Variants in ADA2 observed in about 807,000 individuals in gnomAD.
ADA2 encodes the protein adenosine deaminase 2.
Under a neutral mutation model 44.2 loss-of-function variants are expected in ADA2, and 29 were observed. The observed-to-expected ratio is 0.66, with a 90% CI of 0.49 to 0.89. The LOEUF is 0.89. Among genes scored for constraint, ADA2 ranks in the 40% least tolerant of loss-of-function variants. The pLI is 0.00. For synonymous variants in ADA2, 215 were observed against 234.9 expected, an observed-to-expected ratio of 0.92 and a Z score of 0.77; for missense variants, 637 against 644.8, an observed-to-expected ratio of 0.99 and a Z score of 0.13.
chr22:17,199,618 C>G, intron 4 of ADA2: 1 of 1,614,092 alleles, frequency 6.2e-7, no homozygotes, highest in Non-Finnish European at 8.5e-7. Flanking sequence ...CAGATGCTCT[C>G]TGGGATCGCC....
chr22:17,202,048 T>C lies in ADA2; in HGVS notation c.753+1515A>G, dbSNP rs912088163. On this transcript the variant is annotated intron_variant, in intron 4 of 9. Coordinates refer to ENST00000399837, the MANE Select transcript of ADA2 (RefSeq NM_001282225.2). ...GAGCAATGGCGGTATCTCTGCTCACTGCAAGCTCCTCCCCCTGGGTTCAAG... is the reference window on the plus strand; with the variant it reads ...GAGCAATGGCGGTATCTCTGCTCACCGCAAGCTCCTCCCCCTGGGTTCAAG... Among the ~76,000 whole-genome samples, 12 of 143,096 alleles carry C rather than the reference T, an allele frequency of 8.4e-5. No individual in the cohort carries two copies. The Admixed American group carries it at 8.9e-4, about 11-fold the overall frequency. The allele number at this position is 143,096 out of a possible 152,430, so 93.9% of individuals were successfully genotyped here.
intron 1 of ADA2, chr22:17,213,809 G>A (rs551063987): frequency 1.4e-4 from 34 of 250,974 alleles, no homozygotes; most frequent in African/African-American, 1.9e-4. Flanking sequence ...AGGCTGAGGC[G>A]GGTGGATCAC....
At position 17,201,966 on chromosome 22, in the gene ADA2, T is replaced by C. The variant is rs1330342638; in HGVS notation, c.753+1597A>G. 5.4e-5 allele frequency among the ~76,000 whole-genome samples: 7 copies of C among 129,204 alleles called. No individual in the cohort carries two copies. In the East Asian group the frequency reaches 1.3e-3, roughly 24 times the overall value. The allele number at this position is 129,204 out of a possible 152,430, so 84.8% of individuals were successfully genotyped here. On this transcript the variant is annotated intron_variant, in intron 4 of 9. Coordinates refer to ENST00000399837, the MANE Select transcript of ADA2 (RefSeq NM_001282225.2). ...TAAAATCAAATTTTTTTTTCTTTTTTCTTTTTTTTTTTTTTTTTTTTTTGA... is the reference window on the plus strand; with the variant it reads ...TAAAATCAAATTTTTTTTTCTTTTTCCTTTTTTTTTTTTTTTTTTTTTTGA...
At chr22:17,199,435 T>TCCTCTTCCCCTCCCTCCCCTCCTCTAA in intron 4 of ADA2, 9 of 994,806 alleles carry the variant, frequency 9.0e-6, no homozygotes, top group Non-Finnish European at 1.4e-5. Flanking sequence ...CCCTCCTCTA[T>TCCTCTTCCCCTCCCTCCCCTCCTCTAA]CCTCTTCCCC....
At chr22:17,208,851 C>CGG (rs2123713945) in intron 2 of ADA2, among the ~76,000 whole-genome samples, 1 of 144,706 alleles carries the variant, frequency 6.9e-6, no homozygotes, top group Admixed American at 7.2e-5. Flanking sequence ...TTTTGGGGAA[C>CGG]AGGGTCTTGC....
chr22:17,202,136 T>A (rs78939706), intron 4 of ADA2, among the ~76,000 whole-genome samples: 1 of 133,354 alleles, frequency 7.5e-6, no homozygotes, highest in African/African-American at 2.6e-5. Context: ...TGCCAGCTAA[T>A]TTTTTTTTTT....
intron 7 of ADA2, among the ~76,000 whole-genome samples, chr22:17,183,837 T>C (rs541912527): frequency 1.3e-5 from 2 of 152,160 alleles, no homozygotes; most frequent in African/African-American, 4.8e-5. Context: ...TATAACTACC[T>C]GTATGTGCTC....
chr22:17,199,446 T>TCCCTCC, intron 4 of ADA2: 14 of 917,582 alleles, frequency 1.5e-5, no homozygotes, highest in Non-Finnish European at 1.9e-5. Flanking sequence ...CCTCTTCCCC[T>TCCCTCC]CCACCCACGA....
chr22:17,212,504 C>T (rs1482606538), intron 1 of ADA2, among the ~76,000 whole-genome samples: 2 of 151,640 alleles, frequency 1.3e-5, no homozygotes, highest in African/African-American at 4.8e-5. Flanking sequence ...GAACTCCTGA[C>T]CTCAGGTGAT....
At chr22:17,182,829 T>C in intron 7 of ADA2, 68 bp from the exon 8 acceptor site, 1 of 1,562,036 alleles carries the variant, frequency 6.4e-7, no homozygotes, top group Non-Finnish European at 8.8e-7. Context: ...GATGGATGGG[T>C]CTGACCCACC....
At chr22:17,221,690 T>A (rs2079621), upstream of ADA2, 1 of 151,986 alleles carries the variant, frequency 6.6e-6, no homozygotes, top group Non-Finnish European at 1.5e-5. Context: ...ACTCAGATCT[T>A]GAGGTGGAAG....
chr22:17,190,395 C>T (rs2062100523), intron 5 of ADA2, among the ~76,000 whole-genome samples: 1 of 152,190 alleles, frequency 6.6e-6, no homozygotes, highest in East Asian at 1.9e-4. Context: ...GACATGGATG[C>T]AGCTCAGGGG....
intron 6 of ADA2, chr22:17,189,675 C>T: frequency 2.4e-6 from 1 of 414,486 alleles, no homozygotes; most frequent in South Asian, 2.5e-5. Context: ...GAATGCCATC[C>T]TTATTCTGGA....
chr22:17,181,319 A>G lies in ADA2; in HGVS notation c.*164T>C, dbSNP rs2061965582. The G allele has an allele frequency of 1.9e-5, 12 of 647,448 alleles. 1 individual carries two copies. The South Asian group carries it at 2.1e-4, about 11-fold the overall frequency. The allele number at this position is 647,448 out of a possible 1,614,324, so 40.1% of individuals were successfully genotyped here. ...AATGTCACTGTGGCTGAGAGAGAAT[A>G]TTTCCAGAGGATGAATTTGCTCAGC... On this transcript the variant is annotated 3_prime_UTR_variant, in exon 10 of 10. Transcript: ENST00000399837.
In ADA2 at chr22:17,191,748, T is replaced by C. The variant is rs2062117693; in HGVS notation, c.816A>G (p.Val272=). The C allele has an allele frequency of 5.0e-6, 8 of 1,613,684 alleles. No individual in the cohort carries two copies. Among genetic ancestry groups the C allele is most frequent in the Non-Finnish European group, 5.9e-6 (7 of 1,179,594 alleles). Reference sequence around the variant, plus strand: ...GGTGAGTTTCCACAAACTTCTGAGCTACTTCCTGGTAAGTCTTCACTGACC... The same window carrying C: ...GGTGAGTTTCCACAAACTTCTGAGCCACTTCCTGGTAAGTCTTCACTGACC... ...EEWSVKTYQE[V]AQKFVETHPE... The change falls in exon 5 of 10, where the codon GTA becomes GTG. Residue 272 remains valine (V), a synonymous_variant. Coordinates refer to ENST00000399837, the MANE Select transcript of ADA2 (RefSeq NM_001282225.2).
rs1338256680 is a variant in ADA2 at position 17,207,126 on chromosome 22, T to A, written c.487A>T (p.Ile163Phe). 3 of 1,614,208 alleles carry A rather than the reference T, an allele frequency of 1.9e-6. No homozygotes were observed. Among genetic ancestry groups the A allele is most frequent in the Admixed American group, 3.3e-5 (2 of 60,016 alleles). Residue 163 changes from isoleucine (I) to phenylalanine (F), a missense_variant, in exon 3 of 10, where the codon ATT becomes TTT. Transcript: ENST00000399837. ...CGCTTCCGATAATCCTCCAGCAGAA[T>A]CCACTTGGAACATTTTTCTGATGGA... is the stretch of plus-strand genomic sequence containing the variant. ...PRPSEKCSKW[I>F]LLEDYRKRVQ...
In ADA2 at chr22:17,179,846, T is replaced by C. The variant is rs1280725824; in HGVS notation, c.*1637A>G. 2 of 151,718 alleles carry C rather than the reference T, an allele frequency of 1.3e-5. No individual in the cohort carries two copies. The highest frequency in any genetic ancestry group is 2.0e-4 in the East Asian group (1 of 5,072). The allele number at this position is 151,718 out of a possible 1,614,324, so 9.4% of individuals were successfully genotyped here. On this transcript the variant is annotated 3_prime_UTR_variant, in exon 10 of 10. Coordinates refer to ENST00000399837, the MANE Select transcript of ADA2 (RefSeq NM_001282225.2). ...TTTAATTTGATCTTTTAAAAGTCATTCTAGGCCAGGCCGGGTGGCTCACGC... is the reference window on the plus strand; with the variant it reads ...TTTAATTTGATCTTTTAAAAGTCATCCTAGGCCAGGCCGGGTGGCTCACGC...
Position 17,189,984 on chromosome 22 carries a change from C to T in ADA2, c.930G>A (p.Gly310=), listed in dbSNP as rs745507667. 2 of 1,613,990 alleles carry T rather than the reference C, an allele frequency of 1.2e-6. No individual in the cohort carries two copies. Among genetic ancestry groups the T allele is most frequent in the East Asian group, 2.2e-5 (1 of 44,874 alleles). ...VIAESIRMAM[G]LRIKFPTVVA... Reference sequence around the variant, plus strand: ...CCACCGTGGGGAACTTGATTCGGAGCCCCATGGCCATTCGGATGGATTCTG... The same window carrying T: ...CCACCGTGGGGAACTTGATTCGGAGTCCCATGGCCATTCGGATGGATTCTG... The change falls in exon 6 of 10, where the codon GGG becomes GGA. Residue 310 remains glycine, a synonymous_variant. Transcript: ENST00000399837.
At chr22:17,181,650 A>T in intron 9 of ADA2, 74 bp from the exon 10 acceptor site, 1 of 1,177,178 alleles carries the variant, frequency 8.5e-7, no homozygotes, top group Non-Finnish European at 1.3e-6. Context: ...CTGAGAGGAC[A>T]TTAGAGCCTT....
Sources: allele counts gnomAD v4.1 joint callset (sites outside exome capture counted in the v4.1 genomes callset), GRCh38; gene constraint gnomAD v4.1.1; transcripts MANE v1.5; gene names NCBI Gene and HGNC (gene_info 2026-07-23, HGNC 2026-07-21).